ITGB1: variants seen among roughly 807,000 people sequenced by gnomAD.
ITGB1 encodes the protein integrin beta-1.
A neutral mutation model predicts 86.5 loss-of-function variants in ITGB1; 24 were observed. That is an observed-to-expected ratio of 0.28 (90% confidence interval 0.20 to 0.39). The LOEUF (loss-of-function observed/expected upper bound fraction) is 0.39, where lower values mean the gene tolerates loss of function less well. ITGB1 is among the 10% of genes least tolerant of loss of function. ITGB1 has a pLI of 1.00. For missense variants in ITGB1, 556 were observed against 946.9 expected (o/e 0.59, Z 5.42); for synonymous variants, 323 against 316.8 (o/e 1.02, Z -0.21).
Position 32,942,633 on chromosome 10 carries a change from G to A in ITGB1, c.1-7075C>T, listed in dbSNP as rs78500843. ...TTTGAGGGGCTGAGGTAAGAGGACT[G>A]CCTGAGGCAAAGAGTTCAAGACTAG... On this transcript the variant is annotated intron_variant, in intron 1 of 15. Transcript: ENST00000302278. Among the ~76,000 whole-genome samples, 755 of 151,806 alleles carry A rather than the reference G, an allele frequency of 5.0e-3. 6 individuals carry two copies. Among genetic ancestry groups the A allele is most frequent in the Non-Finnish European group, 8.9e-3 (602 of 67,940 alleles).
chr10:32,942,683 C>CTCTTT (rs1262135086), intron 1 of ITGB1, among the ~76,000 whole-genome samples: 8 of 91,106 alleles, frequency 8.8e-5, no homozygotes, highest in Non-Finnish European at 2.1e-4. Context: ...CTCTCTCTCT[C>CTCTTT]TTTTTTTTTT....
In ITGB1 at chr10:32,933,170, G is replaced by A. The variant is rs189858612; in HGVS notation, c.68-570C>T. On this transcript the variant is annotated intron_variant, in intron 2 of 15. Transcript: ENST00000302278. ...TGAGAACAATGCAAAATTTGGGACC[G>A]TGATTTTGGATCACCTTGACACTGA... Among the ~76,000 whole-genome samples the A allele has an allele frequency of 1.4e-3, 100 of 69,110 alleles. 1 individual carries two copies. The East Asian group carries it at 0.02, about 14-fold the overall frequency. 45.3% of individuals were successfully genotyped at this position (69,110 alleles called of 152,430 possible). A position where few individuals can be genotyped will look rare whatever the true frequency, so the allele number is the denominator to read the frequency against.
intron 1 of ITGB1, among the ~76,000 whole-genome samples, chr10:32,951,314 C>T (rs536956216): frequency 6.6e-6 from 1 of 152,080 alleles, no homozygotes; most frequent in African/African-American, 2.4e-5. Flanking sequence ...ACAGAATCAA[C>T]ATAACAGGAA....
At chr10:32,941,382 T>C (rs958934859) in intron 1 of ITGB1, among the ~76,000 whole-genome samples, 3 of 152,238 alleles carry the variant, frequency 2.0e-5, no homozygotes, top group Admixed American at 6.5e-5. Context: ...TATAATTTTC[T>C]ATTGTAAGTA....
chr10:32,901,448 T>C lies in ITGB1; in HGVS notation c.*122A>G, dbSNP rs547790661. 6.1e-5 allele frequency: 39 copies of C among 634,778 alleles called. No homozygotes were observed. In the South Asian group the frequency reaches 8.7e-4, roughly 14 times the overall value. 39.3% of individuals were successfully genotyped at this position (634,778 alleles called of 1,614,324 possible). ...TAAAACATTTTAAAAATTATACATA[T>C]TGTACATTTTCAAAACCTGCACATG... On this transcript the variant is annotated 3_prime_UTR_variant, in exon 16 of 16. Coordinates refer to ENST00000302278, the MANE Select transcript of ITGB1 (RefSeq NM_002211.4).
At chr10:32,938,711 G>A (rs1337417509) in intron 1 of ITGB1, among the ~76,000 whole-genome samples, 1 of 152,230 alleles carries the variant, frequency 6.6e-6, no homozygotes, top group Non-Finnish European at 1.5e-5. Flanking sequence ...ACGATCCTGC[G>A]ACTGGCGACT....
intron 1 of ITGB1, among the ~76,000 whole-genome samples, chr10:32,940,607 C>T (rs182470571): frequency 6.6e-6 from 1 of 152,168 alleles, no homozygotes; most frequent in African/African-American, 2.4e-5. Context: ...CATCACTGAC[C>T]GAAAAGTCAT....
intron 4 of ITGB1, among the ~76,000 whole-genome samples, chr10:32,928,766 T>A (rs558837688): frequency 1.3e-5 from 2 of 151,096 alleles, no homozygotes; most frequent in East Asian, 3.9e-4. Flanking sequence ...TTTATTATTT[T>A]ATTTTTATTA....
intron 15 of ITGB1, among the ~76,000 whole-genome samples, chr10:32,902,331 A>G (rs943709301): frequency 3.9e-5 from 6 of 152,224 alleles, no homozygotes; most frequent in Non-Finnish European, 8.8e-5. Context: ...CCAAGCCATA[A>G]ACACAAGAGA....
chr10:32,920,206 A>T, intron 10 of ITGB1, 39 bp downstream of exon 10: 1 of 1,594,232 alleles, frequency 6.3e-7, no homozygotes, highest in Non-Finnish European at 8.6e-7. Flanking sequence ...GCTTATAAAT[A>T]ACCAATGTTT....
At chr10:32,930,720 C>T (rs2094980811) in intron 3 of ITGB1, among the ~76,000 whole-genome samples, 1 of 151,874 alleles carries the variant, frequency 6.6e-6, no homozygotes. Context: ...GTCCTAATGG[C>T]AGGTAAATTT....
At chr10:32,932,215 A>C (rs961208265) in intron 3 of ITGB1, among the ~76,000 whole-genome samples, 12 of 152,236 alleles carry the variant, frequency 7.9e-5, no homozygotes, top group African/African-American at 2.9e-4. Flanking sequence ...AAATTTTAAC[A>C]CTGTTATAAC....
chr10:32,928,337 ATGTGGTTT>A lies in ITGB1; in HGVS notation c.377-81_377-74del, dbSNP rs1455923604. On this transcript the variant is annotated intron_variant, in intron 4 of 15. Transcript: ENST00000302278. ...AACGCAAACGAGAAAAACCAAATAA[ATGTGGTTT>A]ACACGGTAAACACAATAAAATAAAA... The A allele has an allele frequency of 1.4e-5, 10 of 702,784 alleles. No individual in the cohort carries two copies. The African/African-American group carries it at 1.4e-4, about 10-fold the overall frequency. 43.5% of individuals were successfully genotyped at this position (702,784 alleles called of 1,614,324 possible).
intron 11 of ITGB1, among the ~76,000 whole-genome samples, chr10:32,915,940 G>T (rs1469616876): frequency 6.6e-6 from 1 of 152,156 alleles, no homozygotes; most frequent in African/African-American, 2.4e-5. Flanking sequence ...ACCAAATCCA[G>T]CAGCACATCA....
In ITGB1 at chr10:32,929,077, G is replaced by GA. The variant is rs574515828; in HGVS notation, c.376+744dup. Reference sequence around the variant, plus strand: ...TAGGTGGACTGCAAAAAGGGAGGAAGAAAAAAGACACAAAAAGAGGCCTGG... The same window carrying GA: ...TAGGTGGACTGCAAAAAGGGAGGAAGAAAAAAAGACACAAAAAGAGGCCTGG... On this transcript the variant is annotated intron_variant, in intron 4 of 15. Coordinates refer to ENST00000302278, the MANE Select transcript of ITGB1 (RefSeq NM_002211.4). Among the ~76,000 whole-genome samples the GA allele has an allele frequency of 3.9e-4, 59 of 151,838 alleles. No homozygotes were observed. The South Asian group carries it at 0.012, about 31-fold the overall frequency.
At chr10:32,907,230 TTA>T (rs1565818129) in intron 15 of ITGB1, 2 of 420,746 alleles carry the variant, frequency 4.8e-6, no homozygotes, top group Non-Finnish European at 8.6e-6. Context: ...GTCTTTTTTT[TTA>T]TTTCTACCCT....
chr10:32,903,884 T>G (rs932770068), intron 15 of ITGB1, among the ~76,000 whole-genome samples: 4 of 152,020 alleles, frequency 2.6e-5, no homozygotes, highest in Admixed American at 2.6e-4. Flanking sequence ...GATTTGAGGC[T>G]AAGTGCTACA....
In ITGB1 at chr10:32,915,009, A is replaced by G. The variant is rs186451594; in HGVS notation, c.1470-2885T>C. ...TCAAGCTAGAACTCAAGATTAAGAAACTCACTCAAAACTGCTCAACTGCAT... is the reference window on the plus strand; with the variant it reads ...TCAAGCTAGAACTCAAGATTAAGAAGCTCACTCAAAACTGCTCAACTGCAT... On this transcript the variant is annotated intron_variant, in intron 11 of 15. Coordinates refer to ENST00000302278, the MANE Select transcript of ITGB1 (RefSeq NM_002211.4). Among the ~76,000 whole-genome samples, 360 of 152,280 alleles carry G rather than the reference A, an allele frequency of 2.4e-3. 2 individuals are homozygous for G. The highest frequency in any genetic ancestry group is 8.2e-3 in the African/African-American group (342 of 41,532).
chr10:32,951,715 T>TC (rs1484387446), intron 1 of ITGB1: 5 of 152,240 alleles, frequency 3.3e-5, no homozygotes, highest in Admixed American at 3.3e-4. Context: ...AGTATGCTGT[T>TC]CCTTCTTTCC....
Sources: gnomAD v4.1 joint callset for allele counts (sites outside exome capture counted in the v4.1 genomes callset) on GRCh38, gnomAD v4.1.1 for gene constraint, MANE v1.5 for transcripts, NCBI Gene and HGNC (gene_info 2026-07-23, HGNC 2026-07-21) for gene names.